Variants in SLIT3 observed in about 807,000 individuals in gnomAD.
SLIT3 encodes the protein slit homolog 3 protein.
A neutral mutation model predicts 184.0 loss-of-function variants in SLIT3; 68 were observed. That is an observed-to-expected ratio of 0.37 (90% CI 0.30 to 0.45). SLIT3 has a LOEUF of 0.45. SLIT3 is among the 20% of genes least tolerant of loss of function. SLIT3 has a pLI of 1.00. For synonymous variants in SLIT3, 831 were observed against 828.6 expected, an observed-to-expected ratio of 1.00 and a Z score of -0.05; for missense variants, 1,707 against 2,026.0, an observed-to-expected ratio of 0.84 and a Z score of 3.02.
intron 26 of SLIT3, chr5:168,706,442 G>A (rs1451434874): frequency 6.6e-6 from 1 of 152,128 alleles, no homozygotes; most frequent in African/African-American, 2.4e-5. Flanking sequence ...AGTTTGAGAG[G>A]ATCCACACAT....
chr5:169,003,558 G>A (rs1394929226), intron 4 of SLIT3, among the ~76,000 whole-genome samples: 1 of 152,218 alleles, frequency 6.6e-6, no homozygotes, highest in Non-Finnish European at 1.5e-5. Flanking sequence ...GAACACAGAC[G>A]TGAACACAGG....
chr5:168,726,797 A>ACC (rs34149059), intron 20 of SLIT3, among the ~76,000 whole-genome samples: 1 of 149,002 alleles, frequency 6.7e-6, no homozygotes, highest in Middle Eastern at 3.7e-3. Flanking sequence ...ACATGGTGAA[A>ACC]CCCCCCTCCT....
At chr5:169,085,075 A>C (rs1759236517) in intron 4 of SLIT3, among the ~76,000 whole-genome samples, 1 of 152,234 alleles carries the variant, frequency 6.6e-6, no homozygotes, top group African/African-American at 2.4e-5. Flanking sequence ...ACCTTGGAGA[A>C]AATTCCTACT....
intron 27 of SLIT3, among the ~76,000 whole-genome samples, chr5:168,696,806 A>T (rs1032742101): frequency 6.6e-6 from 1 of 152,038 alleles, no homozygotes; most frequent in Non-Finnish European, 1.5e-5. Context: ...GGCTCTTCTG[A>T]GGCACAATCT....
At chr5:169,000,661 A>G (rs1168249194) in intron 4 of SLIT3, among the ~76,000 whole-genome samples, 1 of 152,178 alleles carries the variant, frequency 6.6e-6, no homozygotes, top group Admixed American at 6.5e-5. Flanking sequence ...GTTGAACGTG[A>G]TAGATCTGGT....
chr5:169,034,958 T>TGTGTGTGTG (rs1757181392), intron 4 of SLIT3, among the ~76,000 whole-genome samples: 10 of 145,346 alleles, frequency 6.9e-5, no homozygotes, highest in Non-Finnish European at 1.1e-4. Context: ...TGTGTGTGTG[T>TGTGTGTGTG]TTTGGTAGAG....
At chr5:169,008,412 C>T (rs1489353173) in intron 4 of SLIT3, among the ~76,000 whole-genome samples, 1 of 152,152 alleles carries the variant, frequency 6.6e-6, no homozygotes, top group Non-Finnish European at 1.5e-5. Context: ...AAGAGAAGCA[C>T]AGGGGTTTGG....
chr5:169,236,953 C>A (rs1765221862), intron 3 of SLIT3, among the ~76,000 whole-genome samples: 2 of 152,164 alleles, frequency 1.3e-5, no homozygotes, highest in Admixed American at 6.6e-5. Context: ...TTGTTTCTAA[C>A]CACCCATTTC....
intron 20 of SLIT3, among the ~76,000 whole-genome samples, chr5:168,729,673 T>C (rs973731679): frequency 5.3e-5 from 8 of 152,064 alleles, no homozygotes; most frequent in African/African-American, 1.7e-4. Flanking sequence ...AAGGTCGATA[T>C]TCACTATCAC....
At chr5:168,978,937 G>A (rs1012699123) in intron 4 of SLIT3, among the ~76,000 whole-genome samples, 1 of 145,526 alleles carries the variant, frequency 6.9e-6, no homozygotes, top group Non-Finnish European at 1.5e-5. Context: ...TGGGGGTGGG[G>A]TGGCTGGGGT....
chr5:169,001,981 A>C (rs182966599), intron 4 of SLIT3, among the ~76,000 whole-genome samples: 14 of 152,126 alleles, frequency 9.2e-5, no homozygotes, highest in African/African-American at 3.1e-4. Context: ...GGGACTCAAA[A>C]GAGGAATAGG....
intron 4 of SLIT3, among the ~76,000 whole-genome samples, chr5:169,021,669 A>G (rs1756603216): frequency 6.6e-6 from 1 of 152,186 alleles, no homozygotes; most frequent in Admixed American, 6.5e-5. Context: ...ATTTTAAAAT[A>G]GTAACCTATG....
At chr5:168,809,785 C>T (rs13157124) in intron 8 of SLIT3, among the ~76,000 whole-genome samples, 20,139 of 152,198 alleles carry the variant, frequency 0.13, 1,746 homozygotes, top group South Asian at 0.3. Context: ...AAGCCTGGCA[C>T]ATGTGGAGGG....
At chr5:168,904,596 T>C (rs1049596270) in intron 4 of SLIT3, among the ~76,000 whole-genome samples, 1 of 152,186 alleles carries the variant, frequency 6.6e-6, no homozygotes. Context: ...TTTCTGAATA[T>C]AGAAAAAACT....
intron 8 of SLIT3, among the ~76,000 whole-genome samples, chr5:168,810,328 G>A (rs2113641146): frequency 6.6e-6 from 1 of 152,320 alleles, no homozygotes; most frequent in East Asian, 1.9e-4. Context: ...TCTTATGGCG[G>A]TCTCATGACC....
chr5:169,204,275 T>G (rs1016088157), intron 3 of SLIT3, among the ~76,000 whole-genome samples: 8 of 151,966 alleles, frequency 5.3e-5, no homozygotes, highest in Non-Finnish European at 1.0e-4. Flanking sequence ...GGTTGGGCAA[T>G]GAAGAGCCCA....
At position 168,817,365 on chromosome 5, in the gene SLIT3, A is replaced by C; in HGVS notation, c.728T>G (p.Met243Arg). ...GAAGCCCCTCAAATGCACAGGAGCCATGCAGAGTGTGAACTGGCCAACTGT... is the reference window on the plus strand; with the variant it reads ...GAAGCCCCTCAAATGCACAGGAGCCCTGCAGAGTGTGAACTGGCCAACTGT... The part of the protein sequence containing the change: ...RRTVGQFTLC[M>R]APVHLRGFNV... Residue 243 changes from methionine (M) to arginine (R), a missense_variant, in exon 8 of 36, where the codon ATG (methionine) becomes AGG (arginine). Physicochemically the swap from Met to Arg is moderately conservative, Grantham distance 91 (BLOSUM62 -1). Around this residue, in one of 3 missense-constraint regions of SLIT3, gnomAD observed 1,307 missense variants for 1,511.6 expected, o/e 0.86. Coordinates refer to ENST00000519560, the MANE Select transcript of SLIT3 (RefSeq NM_003062.4). The C allele has an allele frequency of 6.2e-7, 1 of 1,614,206 alleles. No individual in the cohort carries two copies. The highest frequency in any genetic ancestry group is 1.7e-5 in the Admixed American group (1 of 60,028).
At chr5:169,193,644 A>G in intron 3 of SLIT3, 94 bp from the exon 4 acceptor site, 1 of 920,800 alleles carries the variant, frequency 1.1e-6, no homozygotes, top group Admixed American at 1.7e-5. Flanking sequence ...CAATCAATCA[A>G]TAGGCATTAA....
At chr5:168,937,014 T>C (rs1322730259) in intron 4 of SLIT3, among the ~76,000 whole-genome samples, 1 of 152,054 alleles carries the variant, frequency 6.6e-6, no homozygotes, top group Non-Finnish European at 1.5e-5. Flanking sequence ...AGGCAGTGTA[T>C]ATGGGGGCAA....
Sources: gnomAD v4.1 joint callset for allele counts (sites outside exome capture counted in the v4.1 genomes callset) on GRCh38, gnomAD v4.1.1 for gene constraint, gnomAD v4.1.1 regional missense constraint, MANE v1.5 for transcripts, NCBI Gene and HGNC (gene_info 2026-07-23, HGNC 2026-07-21) for gene names.